WWOX: variants seen among roughly 807,000 people sequenced by gnomAD.
WWOX encodes WW domain-containing oxidoreductase.
A neutral mutation model predicts 46.2 loss-of-function variants in WWOX; 69 were observed. That is an observed-to-expected ratio of 1.49 (90% CI 1.23 to 1.82). WWOX has a LOEUF of 1.82. Ranked by LOEUF, WWOX falls within the 40% of genes most tolerant of loss-of-function variation. The pLI is 0.00. For synonymous variants in WWOX, 359 were observed against 202.6 expected (o/e 1.77, Z -6.56); for missense variants, 919 against 542.6 (o/e 1.69, Z -6.89).
intron 8 of WWOX, among the ~76,000 whole-genome samples, chr16:78,626,049 A>C (rs1445777843): frequency 6.6e-6 from 1 of 151,782 alleles, no homozygotes; most frequent in Non-Finnish European, 1.5e-5. Context: ...ATCGTTTATC[A>C]TATTGCCTTA....
At chr16:78,894,020 T>A (rs116652892) in intron 8 of WWOX, among the ~76,000 whole-genome samples, 1,729 of 140,078 alleles carry the variant, frequency 0.012, 27 homozygotes, top group Middle Eastern at 0.022. Flanking sequence ...TATTGAGGCT[T>A]TTATTATTAT....
At chr16:79,034,596 G>C (rs1355088630) in intron 8 of WWOX, among the ~76,000 whole-genome samples, 4 of 152,010 alleles carry the variant, frequency 2.6e-5, no homozygotes, top group Non-Finnish European at 4.4e-5. Flanking sequence ...GTTGTGGAGT[G>C]ATTATCTGTT....
intron 8 of WWOX, among the ~76,000 whole-genome samples, chr16:78,850,479 A>G (rs1016881523): frequency 5.3e-5 from 8 of 152,230 alleles, no homozygotes; most frequent in East Asian, 1.9e-4. Context: ...GAACTCTTCA[A>G]TAACTGGGAA....
At chr16:78,972,502 G>T (rs547312034) in intron 8 of WWOX, among the ~76,000 whole-genome samples, 7 of 151,516 alleles carry the variant, frequency 4.6e-5, no homozygotes, top group African/African-American at 1.5e-4. Flanking sequence ...ACCTGAAGCC[G>T]CCAAGAGAGG....
chr16:78,105,158 C>T (rs1228762636), intron 1 of WWOX, among the ~76,000 whole-genome samples: 1 of 152,162 alleles, frequency 6.6e-6, no homozygotes, highest in African/African-American at 2.4e-5. Flanking sequence ...CCCAAGGCAG[C>T]CCCGCAACAA....
intron 8 of WWOX, among the ~76,000 whole-genome samples, chr16:78,479,755 A>G (rs1173662981): frequency 6.6e-6 from 1 of 152,164 alleles, no homozygotes; most frequent in African/African-American, 2.4e-5. Context: ...GGGAGTCTAG[A>G]CAGTGGTCAA....
chr16:78,197,110 T>G (rs777491301), intron 5 of WWOX, among the ~76,000 whole-genome samples: 4 of 152,176 alleles, frequency 2.6e-5, no homozygotes, highest in Non-Finnish European at 4.4e-5. Context: ...CCTCCATTAT[T>G]CCTTATTCCT....
chr16:78,764,458 G>C (rs569188903), intron 8 of WWOX, among the ~76,000 whole-genome samples: 4 of 150,046 alleles, frequency 2.7e-5, no homozygotes, highest in African/African-American at 9.8e-5. Flanking sequence ...TCTGGGAGTG[G>C]GTTTGTAAAA....
intron 8 of WWOX, among the ~76,000 whole-genome samples, chr16:78,561,297 A>T (rs1465093579): frequency 6.6e-6 from 1 of 151,866 alleles, no homozygotes; most frequent in Non-Finnish European, 1.5e-5. Context: ...CTAGGTCTGG[A>T]TTTCAAGGGC....
intron 8 of WWOX, among the ~76,000 whole-genome samples, chr16:78,583,613 A>G (rs1249879972): frequency 2.0e-5 from 3 of 152,160 alleles, no homozygotes; most frequent in Non-Finnish European, 4.4e-5. Context: ...CCAAGCTGGG[A>G]TTGACCCAGT....
chr16:79,121,325 C>G (rs1274552009), intron 8 of WWOX, among the ~76,000 whole-genome samples: 4 of 152,150 alleles, frequency 2.6e-5, no homozygotes, highest in African/African-American at 7.2e-5. Context: ...GATATCTTCT[C>G]CATAGTCGCA....
At chr16:78,776,878 C>T (rs1403064950) in intron 8 of WWOX, among the ~76,000 whole-genome samples, 1 of 152,230 alleles carries the variant, frequency 6.6e-6, no homozygotes, top group African/African-American at 2.4e-5. Context: ...ATGGGGGAAC[C>T]ACCCCCATCA....
intron 8 of WWOX, among the ~76,000 whole-genome samples, chr16:78,670,775 G>C (rs572436463): frequency 2.4e-4 from 37 of 152,192 alleles, no homozygotes; most frequent in African/African-American, 8.7e-4. Context: ...ACCTCCTAAA[G>C]TGCTGGGATT....
chr16:78,380,470 A>G (rs542389356), intron 5 of WWOX, among the ~76,000 whole-genome samples: 1 of 152,064 alleles, frequency 6.6e-6, no homozygotes, highest in African/African-American at 2.4e-5. Flanking sequence ...TTGTTTTGAG[A>G]TGGCTTTTAT....
At chr16:79,016,089 A>C (rs77103831) in intron 8 of WWOX, 1 of 152,066 alleles carries the variant, frequency 6.6e-6, no homozygotes, top group Non-Finnish European at 1.5e-5. Flanking sequence ...TTGTATCTCT[A>C]TATGTTCTCA....
chr16:78,900,532 C>G (rs561571892), intron 8 of WWOX, among the ~76,000 whole-genome samples: 1 of 152,192 alleles, frequency 6.6e-6, no homozygotes, highest in East Asian at 1.9e-4. Flanking sequence ...TAAGAATTTT[C>G]TAAGCAGAGG....
chr16:78,602,441 C>T (rs1207936769), intron 8 of WWOX, among the ~76,000 whole-genome samples: 1 of 152,140 alleles, frequency 6.6e-6, no homozygotes, highest in East Asian at 1.9e-4. Context: ...ACTATATTGG[C>T]CAGGCTGATC....
At chr16:78,742,913 C>G (rs2049264401) in intron 8 of WWOX, among the ~76,000 whole-genome samples, 1 of 152,066 alleles carries the variant, frequency 6.6e-6, no homozygotes, top group African/African-American at 2.4e-5. Flanking sequence ...CTTCCTGGGC[C>G]TCCCAAAAAG....
In WWOX at chr16:78,826,369, A is replaced by G. The variant is rs541284322; in HGVS notation, c.1057-385239A>G. ...CTCAAAACAACAGCAACAGAAATGT[A>G]TTCTCTCACAGTTCTGGAGGCCAGA... On this transcript the variant is annotated intron_variant, in intron 8 of 8. Coordinates refer to ENST00000566780, the MANE Select transcript of WWOX (RefSeq NM_016373.4). 1.2e-3 allele frequency among the ~76,000 whole-genome samples: 176 copies of G among 152,348 alleles called. 1 individual carries two copies. Among genetic ancestry groups the G allele is most frequent in the Non-Finnish European group, 1.1e-3 (74 of 68,030 alleles).
Sources: gnomAD v4.1 joint callset for allele counts (sites outside exome capture counted in the v4.1 genomes callset) on GRCh38, gnomAD v4.1.1 for gene constraint, MANE v1.5 for transcripts, NCBI Gene and HGNC (gene_info 2026-07-23, HGNC 2026-07-21) for gene names.